The following PLXDC2 variants were observed in gnomAD, a reference collection of about 807,000 sequenced individuals.
The protein encoded by PLXDC2 is plexin domain-containing protein 2.
PLXDC2 carries 40 observed loss-of-function variants against 68.9 expected under a neutral mutation model. The ratio of observed to expected loss-of-function variants is 0.58; its 90% confidence interval spans 0.45 to 0.76. The LOEUF is 0.76. Among genes scored for constraint, PLXDC2 ranks in the 30% least tolerant of loss-of-function variants. The probability of loss-of-function intolerance (pLI) is 0.00; values close to 1 mark genes in which losing one functional copy is unlikely to be tolerated. For missense variants in PLXDC2, 644 were observed against 661.9 expected, an observed-to-expected ratio of 0.97 and a Z score of 0.30; for synonymous variants, 243 against 234.2, an observed-to-expected ratio of 1.04 and a Z score of -0.34.
intron 1 of PLXDC2, among the ~76,000 whole-genome samples, chr10:19,880,148 A>T (rs1248188633): frequency 6.6e-6 from 1 of 152,210 alleles, no homozygotes. Flanking sequence ...TTTTTGGTAT[A>T]TGATGGTATC....
chr10:19,971,795 C>G (rs1288371550), intron 1 of PLXDC2, among the ~76,000 whole-genome samples: 2 of 152,056 alleles, frequency 1.3e-5, no homozygotes, highest in Non-Finnish European at 2.9e-5. Flanking sequence ...GGGATTATAA[C>G]AAGTCGACTC....
intron 4 of PLXDC2, among the ~76,000 whole-genome samples, chr10:20,108,148 G>A (rs948847436): frequency 3.9e-5 from 6 of 151,988 alleles, no homozygotes; most frequent in African/African-American, 9.7e-5. Context: ...AAAATCCGTC[G>A]GCACGGCAAG....
chr10:19,934,482 C>T (rs756115176), intron 1 of PLXDC2, among the ~76,000 whole-genome samples: 4 of 152,174 alleles, frequency 2.6e-5, no homozygotes, highest in Admixed American at 6.5e-5. Context: ...TCAGACCCAA[C>T]GTAAGTGCAC....
At chr10:20,240,766 C>T (rs751397047) in intron 12 of PLXDC2, among the ~76,000 whole-genome samples, 5 of 150,328 alleles carry the variant, frequency 3.3e-5, no homozygotes, top group Non-Finnish European at 5.9e-5. Flanking sequence ...AATGCTTTCT[C>T]CAAAACTATG....
At chr10:20,064,843 C>A (rs1463952329) in intron 3 of PLXDC2, among the ~76,000 whole-genome samples, 1 of 152,110 alleles carries the variant, frequency 6.6e-6, no homozygotes, top group African/African-American at 2.4e-5. Context: ...GCCTCCTGAC[C>A]TCCAGTGAAA....
At chr10:19,866,334 G>A (rs1837415441) in intron 1 of PLXDC2, among the ~76,000 whole-genome samples, 1 of 152,124 alleles carries the variant, frequency 6.6e-6, no homozygotes, top group Non-Finnish European at 1.5e-5. Context: ...GCAGCTTCTA[G>A]AGCTCATCTA....
chr10:19,934,814 A>T (rs1293394273), intron 1 of PLXDC2, among the ~76,000 whole-genome samples: 2 of 152,236 alleles, frequency 1.3e-5, no homozygotes, highest in African/African-American at 4.8e-5. Flanking sequence ...CTAATCATCT[A>T]TAATGATAGG....
intron 2 of PLXDC2, among the ~76,000 whole-genome samples, chr10:20,038,240 A>C (rs1295814183): frequency 6.6e-6 from 1 of 151,546 alleles, no homozygotes; most frequent in African/African-American, 2.4e-5. Flanking sequence ...TGTCTCAAAA[A>C]AATAAAAAAA....
At chr10:20,160,665 G>A (rs1251668078) in intron 6 of PLXDC2, among the ~76,000 whole-genome samples, 1 of 152,074 alleles carries the variant, frequency 6.6e-6, no homozygotes. Flanking sequence ...CCTGTTAAAT[G>A]AATCTAAATC....
At chr10:20,060,178 C>A (rs1296012132) in intron 3 of PLXDC2, among the ~76,000 whole-genome samples, 1 of 151,898 alleles carries the variant, frequency 6.6e-6, no homozygotes, top group Non-Finnish European at 1.5e-5. Flanking sequence ...GATTGCAGGC[C>A]AACATGCCTG....
intron 2 of PLXDC2, among the ~76,000 whole-genome samples, chr10:20,017,766 A>G (rs1835237974): frequency 6.6e-6 from 1 of 152,258 alleles, no homozygotes; most frequent in Admixed American, 6.5e-5. Context: ...TCGTATTTAA[A>G]GATGATCACT....
In PLXDC2 at chr10:20,288,417, T is replaced by C. The variant is rs1454232652; in HGVS notation, c.*8598T>C. 6.6e-6 allele frequency: 1 copy of C among 152,106 alleles called. No individual in the cohort carries two copies. Among genetic ancestry groups the C allele is most frequent in the African/African-American group, 2.4e-5 (1 of 41,414 alleles). 9.4% of individuals were successfully genotyped at this position (152,106 alleles called of 1,614,324 possible). On this transcript the variant is annotated 3_prime_UTR_variant, in exon 14 of 14. Coordinates refer to ENST00000377252, the MANE Select transcript of PLXDC2 (RefSeq NM_032812.9). ...CTGTCATGCTAAAATAACCAGCCCATACTTCTCGGTGACCTTCTGTTGAAC... is the reference window on the plus strand; with the variant it reads ...CTGTCATGCTAAAATAACCAGCCCACACTTCTCGGTGACCTTCTGTTGAAC...
intron 4 of PLXDC2, among the ~76,000 whole-genome samples, chr10:20,131,804 GT>G (rs1168577854): frequency 1.3e-5 from 2 of 151,900 alleles, no homozygotes; most frequent in East Asian, 3.8e-4. Flanking sequence ...CTTTTGTATT[GT>G]TTTTTCTAGT....
At chr10:20,021,361 T>C (rs11598204) in intron 2 of PLXDC2, among the ~76,000 whole-genome samples, 36,901 of 152,048 alleles carry the variant, frequency 0.24, 5,014 homozygotes, top group Non-Finnish European at 0.33. Context: ...CACCTATCAA[T>C]TCATCATCTA....
At position 20,068,181 on chromosome 10, in the gene PLXDC2, G is replaced by C. The variant is rs189960819; in HGVS notation, c.483G>C (p.Leu161=). ...NTHRQAARVN[L]SFDFPFYGHF... ...GTTGTTCTTTGCAGAGAGTGAATCT[G>C]TCCTTCGATTTTCCATTTTATGGCC... The change falls in exon 4 of 14, where the codon CTG becomes CTC. Residue 161 remains leucine (L), a synonymous_variant. Coordinates refer to ENST00000377252, the MANE Select transcript of PLXDC2 (RefSeq NM_032812.9). 7.4e-6 allele frequency: 12 copies of C among 1,612,856 alleles called. No homozygotes were observed. In the East Asian group the frequency reaches 1.3e-4, roughly 18 times the overall value.
At chr10:20,202,371 G>A (rs1416500325) in intron 9 of PLXDC2, among the ~76,000 whole-genome samples, 2 of 152,136 alleles carry the variant, frequency 1.3e-5, no homozygotes, top group South Asian at 4.1e-4. Flanking sequence ...ACTTTATGTT[G>A]CCAATGCATT....
At chr10:20,164,651 A>G (rs1834350321) in intron 7 of PLXDC2, 84 bp downstream of exon 7, 1 of 1,007,786 alleles carries the variant, frequency 9.9e-7, no homozygotes. Flanking sequence ...GCTGTACCTG[A>G]ATTAAAAAAA....
chr10:20,000,048 G>T (rs1300986712), intron 1 of PLXDC2, among the ~76,000 whole-genome samples: 1 of 152,146 alleles, frequency 6.6e-6, no homozygotes, highest in Non-Finnish European at 1.5e-5. Context: ...CTGGTCCGAT[G>T]ATGCTTGCTC....
intron 4 of PLXDC2, among the ~76,000 whole-genome samples, chr10:20,129,538 TACAC>T (rs1024853296): frequency 2.0e-5 from 3 of 148,176 alleles, no homozygotes; most frequent in African/African-American, 7.5e-5. Flanking sequence ...TATATATATA[TACAC>T]ATACACATAT....
Sources: gnomAD v4.1 joint callset for allele counts (sites outside exome capture counted in the v4.1 genomes callset) on GRCh38, gnomAD v4.1.1 for gene constraint, MANE v1.5 for transcripts, NCBI Gene and HGNC (gene_info 2026-07-23, HGNC 2026-07-21) for gene names.